SOX6: variants seen among roughly 807,000 people sequenced by gnomAD.
SOX6 encodes transcription factor SOX-6.
Under a neutral mutation model 97.8 loss-of-function variants are expected in SOX6, and 11 were observed. The ratio of observed to expected loss-of-function variants is 0.11; its 90% CI spans 0.07 to 0.19. The LOEUF is 0.19. Among genes scored for constraint, SOX6 ranks in the 10% least tolerant of loss-of-function variants. The probability of loss-of-function intolerance (pLI) is 1.00; values close to 1 mark genes in which losing one functional copy is unlikely to be tolerated. For missense variants in SOX6, 810 were observed against 1,039.5 expected, an observed-to-expected ratio of 0.78 and a Z score of 3.04; for synonymous variants, 360 against 371.4, an observed-to-expected ratio of 0.97 and a Z score of 0.35.
chr11:16,013,869 T>G (rs981618207), intron 13 of SOX6, among the ~76,000 whole-genome samples: 1 of 152,014 alleles, frequency 6.6e-6, no homozygotes, highest in African/African-American at 2.4e-5. Flanking sequence ...CTAAAAGCCA[T>G]GCCCAGTTTA....
chr11:16,341,338 A>T (rs550317232), intron 1 of SOX6, 86 bp from the exon 2 acceptor site: 1 of 1,533,154 alleles, frequency 6.5e-7, no homozygotes, highest in African/African-American at 1.4e-5. Flanking sequence ...TTCAGGAAAG[A>T]AGGAAAGTTA....
chr11:16,513,906 C>T (rs1455719995), intron 4 of SOX6, among the ~76,000 whole-genome samples: 7 of 151,714 alleles, frequency 4.6e-5, no homozygotes, highest in Admixed American at 4.6e-4. Context: ...AATGTAAAAG[C>T]AAAAATCCAT....
At chr11:16,540,318 T>C (rs1861384974) in intron 4 of SOX6, among the ~76,000 whole-genome samples, 1 of 152,120 alleles carries the variant, frequency 6.6e-6, no homozygotes, top group South Asian at 2.1e-4. Flanking sequence ...ATGGGACATA[T>C]TTCAAAATAA....
chr11:16,615,497 A>G (rs1050942985), intron 3 of SOX6, among the ~76,000 whole-genome samples: 1 of 152,226 alleles, frequency 6.6e-6, no homozygotes, highest in African/African-American at 2.4e-5. Context: ...TCAGGGACCA[A>G]TTCCATTATT....
intron 9 of SOX6, among the ~76,000 whole-genome samples, chr11:16,089,973 T>G (rs915096341): frequency 6.6e-6 from 1 of 152,102 alleles, no homozygotes; most frequent in Non-Finnish European, 1.5e-5. Flanking sequence ...TCTCTCAGAA[T>G]TCCAACGTAG....
At chr11:16,582,075 C>T (rs1047476995) in intron 4 of SOX6, among the ~76,000 whole-genome samples, 2 of 151,892 alleles carry the variant, frequency 1.3e-5, no homozygotes, top group African/African-American at 2.4e-5. Flanking sequence ...AACTAAATAC[C>T]ACATGTTCTC....
chr11:16,324,487 T>C (rs967303120), intron 2 of SOX6, among the ~76,000 whole-genome samples: 2 of 152,180 alleles, frequency 1.3e-5, no homozygotes, highest in Admixed American at 6.6e-5. Context: ...CTGAAAATCA[T>C]AGTCTTGCAG....
intron 3 of SOX6, among the ~76,000 whole-genome samples, chr11:16,671,911 C>T (rs1847850181): frequency 6.6e-6 from 1 of 152,148 alleles, no homozygotes; most frequent in Non-Finnish European, 1.5e-5. Context: ...AAGGGCAGGT[C>T]ACCTACAAAG....
intron 3 of SOX6, among the ~76,000 whole-genome samples, chr11:16,659,511 G>C (rs1435678422): frequency 1.3e-5 from 2 of 152,104 alleles, no homozygotes; most frequent in African/African-American, 4.8e-5. Flanking sequence ...TAGCTATTCT[G>C]GGTTTTTCCC....
At chr11:16,460,270 T>G (rs1859895819) in intron 1 of SOX6, among the ~76,000 whole-genome samples, 1 of 151,996 alleles carries the variant, frequency 6.6e-6, no homozygotes, top group Admixed American at 6.6e-5. Flanking sequence ...GACAAATGAC[T>G]AGGTTTTGTA....
At chr11:16,458,548 G>A (rs987357911) in intron 1 of SOX6, among the ~76,000 whole-genome samples, 2 of 152,032 alleles carry the variant, frequency 1.3e-5, no homozygotes, top group Non-Finnish European at 2.9e-5. Flanking sequence ...TGATGAACAG[G>A]AAGCAGGAAG....
chr11:16,361,620 GT>G (rs910448968), intron 1 of SOX6, among the ~76,000 whole-genome samples: 17 of 152,128 alleles, frequency 1.1e-4, no homozygotes, highest in African/African-American at 3.9e-4. Flanking sequence ...AGCAACCATT[GT>G]TAAGCAAAGA....
intron 6 of SOX6, among the ~76,000 whole-genome samples, chr11:16,116,851 T>C (rs1849360075): frequency 6.6e-6 from 1 of 152,094 alleles, no homozygotes; most frequent in Non-Finnish European, 1.5e-5. Context: ...ACCAACTCTA[T>C]TGTGAACTGT....
At chr11:16,728,468 G>A (rs1848324213) in intron 2 of SOX6, among the ~76,000 whole-genome samples, 2 of 152,176 alleles carry the variant, frequency 1.3e-5, no homozygotes, top group Admixed American at 6.5e-5. Context: ...GCAAATACCA[G>A]CAGACCTGCA....
chr11:16,576,910 T>A (rs925470704), intron 4 of SOX6: 5 of 152,198 alleles, frequency 3.3e-5, no homozygotes, highest in Non-Finnish European at 7.3e-5. Flanking sequence ...CATGGGAGGA[T>A]CACTTGAGCC....
At chr11:16,363,645 A>C (rs926711712) in intron 1 of SOX6, among the ~76,000 whole-genome samples, 64 of 152,174 alleles carry the variant, frequency 4.2e-4, no homozygotes, top group African/African-American at 1.5e-3. Flanking sequence ...ACAGGTTAAA[A>C]CTTTATTTTT....
intron 1 of SOX6, among the ~76,000 whole-genome samples, chr11:16,388,759 T>A (rs1292939043): frequency 6.6e-6 from 1 of 152,188 alleles, no homozygotes; most frequent in African/African-American, 2.4e-5. Context: ...TTTCTTTTTT[T>A]CTTGGTCTTT....
intron 4 of SOX6, among the ~76,000 whole-genome samples, chr11:16,564,485 G>C (rs558423113): frequency 3.3e-5 from 5 of 152,206 alleles, no homozygotes; most frequent in Admixed American, 2.6e-4. Flanking sequence ...AACATTCATA[G>C]AATACTCCAT....
chr11:16,287,036 T>C (rs1158344264), intron 3 of SOX6, among the ~76,000 whole-genome samples: 1 of 152,082 alleles, frequency 6.6e-6, no homozygotes, highest in African/African-American at 2.4e-5. Context: ...TTTGACAGTT[T>C]TTTCAAAGCA....
Sources: gnomAD v4.1 joint callset for allele counts (sites outside exome capture counted in the v4.1 genomes callset) on GRCh38, gnomAD v4.1.1 for gene constraint, MANE v1.5 for transcripts, NCBI Gene and HGNC (gene_info 2026-07-23, HGNC 2026-07-21) for gene names.